Variants in SLC35A3 observed in about 807,000 individuals in gnomAD.
SLC35A3 encodes the protein solute carrier family 35 member A3, also known as UDP-N-acetylglucosamine transporter.
A neutral mutation model predicts 39.0 loss-of-function variants in SLC35A3; 26 were observed. The ratio of observed to expected loss-of-function variants is 0.67; its 90% CI spans 0.49 to 0.92. The LOEUF (loss-of-function observed/expected upper bound fraction) is 0.92, where lower values mean the gene tolerates loss of function less well. SLC35A3 is among the 40% of genes least tolerant of loss of function. The pLI is 0.00. For missense variants in SLC35A3, 299 were observed against 371.6 expected (o/e 0.80, Z 1.61); for synonymous variants, 135 against 133.1 (o/e 1.01, Z -0.10).
Position 100,035,303 on chromosome 1 carries a change from A to C in SLC35A3, c.*12827A>C, listed in dbSNP as rs1032513843. ...TTTAAAAAATATTTTTATTCTGAGG[A>C]TAGTTGAATCCACAGGATACTGAGG... On this transcript the variant is annotated 3_prime_UTR_variant, in exon 8 of 8. Coordinates refer to ENST00000533028, the MANE Select transcript of SLC35A3 (RefSeq NM_012243.3). 7.9e-5 allele frequency: 12 copies of C among 152,126 alleles called. No individual in the cohort carries two copies. The highest frequency in any genetic ancestry group is 2.9e-4 in the African/African-American group (12 of 41,410). 9.4% of individuals were successfully genotyped at this position (152,126 alleles called of 1,614,324 possible).
At chr1:100,001,445 T>C (rs1658791862) in intron 3 of SLC35A3, among the ~76,000 whole-genome samples, 1 of 149,542 alleles carries the variant, frequency 6.7e-6, no homozygotes, top group Admixed American at 6.7e-5. Context: ...TATTCCCAGA[T>C]TTTTTTTTTG....
chr1:99,970,708 G>A lies in SLC35A3; in HGVS notation c.-19+546G>A, dbSNP rs1438453136. The A allele has an allele frequency of 4.5e-6, 5 of 1,102,220 alleles. No individual in the cohort carries two copies. The African/African-American group carries it at 6.2e-5, about 14-fold the overall frequency. 68.3% of individuals were successfully genotyped at this position (1,102,220 alleles called of 1,614,324 possible). On this transcript the variant is annotated intron_variant, in intron 1 of 7. Transcript: ENST00000533028. The stretch of plus-strand genomic sequence containing the variant: ...GTGAGATTCTCATCAGAACAGGTGT[G>A]TGGGTGCATTGCTTTATAGTAAAAG...
Position 100,011,434 on chromosome 1 carries a change from G to T in SLC35A3, c.535G>T (p.Val179Phe). The change falls in exon 5 of 8, where the codon GTT becomes TTT. Residue 179 changes from valine (V) to phenylalanine (F), a missense_variant. Coordinates refer to ENST00000533028, the MANE Select transcript of SLC35A3 (RefSeq NM_012243.3). Reference sequence around the variant, plus strand: ...TTCTCAATTTGTAGGACTCATGGCAGTTCTCACAGCATGTTTTTCAAGTGG... The same window carrying T: ...TTCTCAATTTGTAGGACTCATGGCATTTCTCACAGCATGTTTTTCAAGTGG... The part of the protein sequence containing the change: ...AGSQFVGLMA[V>F]LTACFSSGFA... 6.3e-7 allele frequency: 1 copy of T among 1,584,876 alleles called. No homozygotes were observed. Among genetic ancestry groups the T allele is most frequent in the Non-Finnish European group, 8.6e-7 (1 of 1,159,892 alleles).
At position 100,011,500 on chromosome 1, in the gene SLC35A3, A is replaced by G; in HGVS notation, c.601A>G (p.Lys201Glu). 1 of 1,553,602 alleles carries G rather than the reference A, an allele frequency of 6.4e-7. No homozygotes were observed. The highest frequency in any genetic ancestry group is 8.8e-7 in the Non-Finnish European group (1 of 1,137,190). ...CTTTGAGAAAATCTTAAAAGAAACAAAACAATCAGTGTGGATAAGAAATAT... is the reference window on the plus strand; with the variant it reads ...CTTTGAGAAAATCTTAAAAGAAACAGAACAATCAGTGTGGATAAGAAATAT... ...VYFEKILKET[K>E]QSVWIRNIQL... The change falls in exon 5 of 8, where the codon AAA (lysine) becomes GAA (glutamate). Residue 201 changes from lysine to glutamate, a missense_variant. By Grantham distance (56) the Lys-to-Glu change is moderately conservative. Transcript: ENST00000533028.
chr1:99,989,072 G>A (rs544902929), intron 1 of SLC35A3, among the ~76,000 whole-genome samples: 8 of 152,048 alleles, frequency 5.3e-5, no homozygotes, highest in Middle Eastern at 3.4e-3. Context: ...CAAAGTGGTC[G>A]TACCATTTTA....
rs1660941733 is a variant in SLC35A3 at position 100,026,902 on chromosome 1, T to C, written c.*4426T>C. Reference sequence around the variant, plus strand: ...CTTTTTAATTGATAAACTTCTCTTGTCATTTTTTGGTATCCAGCTATTACC... The same window carrying C: ...CTTTTTAATTGATAAACTTCTCTTGCCATTTTTTGGTATCCAGCTATTACC... On this transcript the variant is annotated 3_prime_UTR_variant, in exon 8 of 8. Transcript: ENST00000533028. The C allele has an allele frequency of 3.2e-6, 1 of 316,978 alleles. No individual in the cohort carries two copies. Among genetic ancestry groups the C allele is most frequent in the Non-Finnish European group, 5.7e-6 (1 of 176,380 alleles). The allele number at this position is 316,978 out of a possible 1,614,324, so 19.6% of individuals were successfully genotyped here.
At chr1:100,020,065 G>A (rs1484818335) in intron 7 of SLC35A3, among the ~76,000 whole-genome samples, 2 of 152,208 alleles carry the variant, frequency 1.3e-5, no homozygotes, top group Non-Finnish European at 2.9e-5. Flanking sequence ...TGATCATCAA[G>A]TGATTGGAAA....
chr1:100,007,767 GC>G (rs901146526), intron 4 of SLC35A3: 1 of 151,814 alleles, frequency 6.6e-6, no homozygotes, highest in Admixed American at 6.6e-5. Flanking sequence ...TCCTGCCTCA[GC>G]CTCCCAAAGT....
At chr1:99,989,437 G>T (rs755995214) in intron 1 of SLC35A3, among the ~76,000 whole-genome samples, 1 of 151,478 alleles carries the variant, frequency 6.6e-6, no homozygotes, top group Non-Finnish European at 1.5e-5. Context: ...GCACCTGCAA[G>T]CATGCCTGGC....
intron 1 of SLC35A3, among the ~76,000 whole-genome samples, chr1:99,988,697 A>C (rs1570580767): frequency 8.8e-5 from 9 of 102,224 alleles, no homozygotes; most frequent in South Asian, 3.1e-4. Flanking sequence ...TCCCTTTCTT[A>C]CCTGTCTTTC....
intron 1 of SLC35A3, chr1:99,993,222 C>A: frequency 5.3e-6 from 1 of 188,842 alleles, no homozygotes; most frequent in Non-Finnish European, 1.1e-5. Flanking sequence ...CTAGGGAACT[C>A]ACTGCTGAGT....
rs1660912904 is a variant in SLC35A3, at chr1:100,026,383, C to G, written c.*3907C>G. 6.6e-6 allele frequency: 1 copy of G among 152,064 alleles called. No individual in the cohort carries two copies. Among genetic ancestry groups the G allele is most frequent in the Admixed American group, 6.5e-5 (1 of 15,282 alleles). 9.4% of individuals were successfully genotyped at this position (152,064 alleles called of 1,614,324 possible). On this transcript the variant is annotated 3_prime_UTR_variant, in exon 8 of 8. Transcript: ENST00000533028. ...AGGTTATTTAAAGTAGTTATAGGAG[C>G]AGAGAACAAGCACCTTTATCAAAAT...
At chr1:99,984,316 C>T (rs1184524972) in intron 1 of SLC35A3, among the ~76,000 whole-genome samples, 1 of 152,190 alleles carries the variant, frequency 6.6e-6, no homozygotes, top group Non-Finnish European at 1.5e-5. Flanking sequence ...TAGCTTAGCT[C>T]CCATTTAGGA....
chr1:100,022,444 C>G lies in SLC35A3; in HGVS notation c.946C>G (p.Pro316Ala). Residue 316 changes from proline to alanine, a missense_variant, in exon 8 of 8, where the codon CCC (proline) becomes GCC (alanine). Coordinates refer to ENST00000533028, the MANE Select transcript of SLC35A3 (RefSeq NM_012243.3). ...ITATFLYGYD[P>A]KPAGNPTKA is the part of the protein sequence containing the mutation. Reference sequence around the variant, plus strand: ...AGCTACTTTTTTGTATGGTTATGATCCCAAACCTGCAGGAAATCCCACTAA... The same window carrying G: ...AGCTACTTTTTTGTATGGTTATGATGCCAAACCTGCAGGAAATCCCACTAA... The G allele has an allele frequency of 6.2e-7, 1 of 1,604,620 alleles. No homozygotes were observed. Among genetic ancestry groups the G allele is most frequent in the African/African-American group, 1.3e-5 (1 of 74,726 alleles).
intron 4 of SLC35A3, 107 bp downstream of exon 4, chr1:100,007,263 G>A (rs1339923698): frequency 9.8e-7 from 1 of 1,016,542 alleles, no homozygotes; most frequent in African/African-American, 1.7e-5. Context: ...ACCAACAAAT[G>A]TTTTTCCCCA....
chr1:100,017,054 T>A (rs1660186379), intron 6 of SLC35A3, among the ~76,000 whole-genome samples: 1 of 152,202 alleles, frequency 6.6e-6, no homozygotes, highest in Non-Finnish European at 1.5e-5. Flanking sequence ...TAACCCAGAT[T>A]TGGAAAATGA....
At chr1:100,005,831 G>A (rs1259830626) in intron 3 of SLC35A3, among the ~76,000 whole-genome samples, 1 of 151,860 alleles carries the variant, frequency 6.6e-6, no homozygotes, top group Non-Finnish European at 1.5e-5. Flanking sequence ...TCTTTTTCAG[G>A]CCTTTCATAT....
intron 1 of SLC35A3, among the ~76,000 whole-genome samples, chr1:99,977,034 T>C (rs1192259770): frequency 6.6e-6 from 1 of 152,202 alleles, no homozygotes; most frequent in African/African-American, 2.4e-5. Context: ...AAACTGCTCA[T>C]TCTATATTGT....
At chr1:100,018,874 C>T (rs490669) in intron 7 of SLC35A3, among the ~76,000 whole-genome samples, 33,458 of 152,052 alleles carry the variant, frequency 0.22, 5,085 homozygotes, top group African/African-American at 0.43. Flanking sequence ...TGAACATTGA[C>T]GGTTTTAATT....
Sources: allele counts gnomAD v4.1 joint callset (sites outside exome capture counted in the v4.1 genomes callset), GRCh38; gene constraint gnomAD v4.1.1; transcripts MANE v1.5; gene names NCBI Gene and HGNC (gene_info 2026-07-23, HGNC 2026-07-21).